The following SLC24A2 variants were observed in gnomAD, a reference collection of about 807,000 sequenced individuals.
The protein encoded by SLC24A2 is sodium/potassium/calcium exchanger 2.
A neutral mutation model predicts 62.0 loss-of-function variants in SLC24A2; 36 were observed. The ratio of observed to expected loss-of-function variants is 0.58; its 90% confidence interval spans 0.44 to 0.77. SLC24A2 has a LOEUF of 0.77. Among genes scored for constraint, SLC24A2 ranks in the 30% least tolerant of loss-of-function variants. SLC24A2 has a pLI of 0.00. For synonymous variants in SLC24A2, 358 were observed against 294.0 expected (o/e 1.22, Z -2.23); for missense variants, 846 against 817.9 (o/e 1.03, Z -0.42).
chr9:19,997,626 G>T, the SLC24A2 span, among the ~76,000 whole-genome samples: 1 of 152,092 alleles, frequency 6.6e-6, no homozygotes, highest in Non-Finnish European at 1.5e-5. Flanking sequence ...TAAACAGAGA[G>T]AATTTACTGA....
At chr9:19,552,511 A>T (rs552481931) in intron 7 of SLC24A2, among the ~76,000 whole-genome samples, 1 of 152,138 alleles carries the variant, frequency 6.6e-6, no homozygotes, top group East Asian at 1.9e-4. Flanking sequence ...ATCTCACATG[A>T]GAGATGATTT....
intron 8 of SLC24A2, among the ~76,000 whole-genome samples, chr9:19,533,530 G>A (rs945181348): frequency 6.6e-6 from 1 of 152,238 alleles, no homozygotes; most frequent in African/African-American, 2.4e-5. Flanking sequence ...GGGCTTTGTA[G>A]CTTTCATACT....
chr9:19,563,827 TCCCTCCC>T lies in SLC24A2; in HGVS notation c.1347+9517_1347+9523del, dbSNP rs1563968826. Among the ~76,000 whole-genome samples the T allele has an allele frequency of 1.3e-4, 10 of 75,092 alleles. No individual in the cohort carries two copies. The Admixed American group carries it at 1.4e-3, about 10-fold the overall frequency. 49.3% of individuals were successfully genotyped at this position (75,092 alleles called of 152,430 possible). ...CTTCCTTCCTTCCTTCCTTCCTTCC[TCCCTCCC>T]TCCCTCCCTCCCTCCCTCCCTCCCT... is the stretch of plus-strand genomic sequence containing the variant. On this transcript the variant is annotated intron_variant, in intron 7 of 10. Transcript: ENST00000341998.
chr9:19,844,536 ATT>A, the SLC24A2 span, among the ~76,000 whole-genome samples: 1 of 151,654 alleles, frequency 6.6e-6, no homozygotes, highest in Non-Finnish European at 1.5e-5. Context: ...CCATTTGTCA[ATT>A]TTTTTTGTTG....
the SLC24A2 span, among the ~76,000 whole-genome samples, chr9:20,260,067 A>G: frequency 3.9e-5 from 6 of 152,200 alleles, no homozygotes; most frequent in Non-Finnish European, 8.8e-5. Flanking sequence ...TGTGTGACAG[A>G]GTGAGACCCT....
At chr9:19,780,954 A>C (rs1823000327) in intron 2 of SLC24A2, among the ~76,000 whole-genome samples, 1 of 151,980 alleles carries the variant, frequency 6.6e-6, no homozygotes, top group Non-Finnish European at 1.5e-5. Flanking sequence ...ATTCAAAAAA[A>C]GGCAAGAAAA....
chr9:19,609,764 C>T (rs934998690), intron 4 of SLC24A2, among the ~76,000 whole-genome samples: 2 of 152,092 alleles, frequency 1.3e-5, no homozygotes, highest in African/African-American at 4.8e-5. Flanking sequence ...TTGTGGAAGA[C>T]AATTTTTCCA....
At chr9:19,733,433 C>A (rs1013689032) in intron 2 of SLC24A2, among the ~76,000 whole-genome samples, 26 of 152,134 alleles carry the variant, frequency 1.7e-4, no homozygotes, top group African/African-American at 6.3e-4. Flanking sequence ...CCTCCTCACA[C>A]CTTTAAGTGA....
chr9:19,613,743 G>A (rs943257356), intron 4 of SLC24A2, among the ~76,000 whole-genome samples: 1 of 152,170 alleles, frequency 6.6e-6, no homozygotes, highest in African/African-American at 2.4e-5. Context: ...GTCTACACCA[G>A]GAGAACAAGG....
chr9:20,124,526 C>T, the SLC24A2 span, among the ~76,000 whole-genome samples: 1 of 152,132 alleles, frequency 6.6e-6, no homozygotes, highest in Non-Finnish European at 1.5e-5. Context: ...TCTTCAGATG[C>T]CATGTTGCTG....
At chr9:20,130,679 A>T in the SLC24A2 span, among the ~76,000 whole-genome samples, 2 of 152,172 alleles carry the variant, frequency 1.3e-5, no homozygotes, top group Non-Finnish European at 2.9e-5. Flanking sequence ...GTTTTAGGCA[A>T]GGGAAAACAT....
chr9:19,691,858 A>T (rs1344812738), intron 2 of SLC24A2, among the ~76,000 whole-genome samples: 1 of 152,082 alleles, frequency 6.6e-6, no homozygotes, highest in East Asian at 1.9e-4. Flanking sequence ...AGATGCTGAT[A>T]TTGTCCAGGG....
At chr9:20,041,007 G>A in the SLC24A2 span, among the ~76,000 whole-genome samples, 4 of 152,210 alleles carry the variant, frequency 2.6e-5, no homozygotes, top group Admixed American at 6.5e-5. Context: ...CCTAAAAAGG[G>A]CAGCTCTGCT....
the SLC24A2 span, among the ~76,000 whole-genome samples, chr9:20,001,580 G>C: frequency 6.6e-6 from 1 of 152,152 alleles, no homozygotes; most frequent in Non-Finnish European, 1.5e-5. Context: ...AGGCGTCTCA[G>C]TCCACCCTCC....
intron 8 of SLC24A2, among the ~76,000 whole-genome samples, chr9:19,537,177 C>A (rs1416202298): frequency 7.4e-5 from 11 of 148,104 alleles, no homozygotes; most frequent in Admixed American, 7.4e-4. Context: ...ATGGTAGTTT[C>A]TTTTGCTGTG....
At chr9:19,826,711 G>T in the SLC24A2 span, among the ~76,000 whole-genome samples, 3 of 152,284 alleles carry the variant, frequency 2.0e-5, no homozygotes, top group East Asian at 5.8e-4. Flanking sequence ...TCATCCATAA[G>T]GGTAGAGCCC....
intron 2 of SLC24A2, among the ~76,000 whole-genome samples, chr9:19,709,215 A>T (rs547463448): frequency 0.011 from 1,689 of 152,030 alleles, 37 homozygotes; most frequent in African/African-American, 0.038. Flanking sequence ...ATACCATCTC[A>T]CACCAGTTAG....
Position 19,781,463 on chromosome 9 carries a change from T to G in SLC24A2, c.930+4474A>C, listed in dbSNP as rs550615011. ...CATCTGTTGCCAGGGGAAACCAGAA[T>G]AGCAAGGGAAATGGCCAAGGGCAAT... On this transcript the variant is annotated intron_variant, in intron 2 of 10. Transcript: ENST00000341998. Among the ~76,000 whole-genome samples the G allele has an allele frequency of 7.2e-5, 11 of 152,292 alleles. No homozygotes were observed. The East Asian group carries it at 1.9e-3, about 27-fold the overall frequency.
chr9:19,676,552 C>T (rs1587137116), intron 2 of SLC24A2, among the ~76,000 whole-genome samples: 1 of 152,084 alleles, frequency 6.6e-6, no homozygotes, highest in Non-Finnish European at 1.5e-5. Flanking sequence ...AATGGAGGCA[C>T]TTTTTTTCCA....
Sources: allele counts gnomAD v4.1 joint callset (sites outside exome capture counted in the v4.1 genomes callset), GRCh38; gene constraint gnomAD v4.1.1; transcripts MANE v1.5; gene names NCBI Gene and HGNC (gene_info 2026-07-23, HGNC 2026-07-21).